Variants in TASOR observed in about 807,000 individuals in gnomAD.
TASOR encodes protein TASOR.
Under a neutral mutation model 178.6 loss-of-function variants are expected in TASOR, and 53 were observed. That is an observed-to-expected ratio of 0.30 (90% CI 0.24 to 0.37). The LOEUF (loss-of-function observed/expected upper bound fraction) is 0.37, where lower values mean the gene tolerates loss of function less well. Among genes scored for constraint, TASOR ranks in the 10% least tolerant of loss-of-function variants. TASOR has a pLI of 1.00. For synonymous variants in TASOR, 713 were observed against 696.2 expected (o/e 1.02, Z -0.38); for missense variants, 1,815 against 1,971.4 (o/e 0.92, Z 1.50).
rs1021889615 is a variant in TASOR, at chr3:56,683,065, G to A, written c.-59C>T. 36 of 1,434,586 alleles carry A rather than the reference G, an allele frequency of 2.5e-5. No individual in the cohort carries two copies. The highest frequency in any genetic ancestry group is 1.4e-4 in the Admixed American group (5 of 36,284). 88.9% of individuals were successfully genotyped at this position (1,434,586 alleles called of 1,614,324 possible). On this transcript the variant is annotated 5_prime_UTR_variant, in exon 1 of 24. Transcript: ENST00000683822. ...CCCACAAGGTCGACGGGTGTGGGGGGAAGGGGCGGCGGGCCAGTCTCGCCG... is the reference window on the plus strand; with the variant it reads ...CCCACAAGGTCGACGGGTGTGGGGGAAAGGGGCGGCGGGCCAGTCTCGCCG...
Position 56,649,070 on chromosome 3 carries a change from G to A in TASOR, c.1369-13C>T, listed in dbSNP as rs374530209. 25 of 1,588,116 alleles carry A rather than the reference G, an allele frequency of 1.6e-5. No individual in the cohort carries two copies. The highest frequency in any genetic ancestry group is 1.5e-4 in the African/African-American group (11 of 73,556). The stretch of plus-strand genomic sequence containing the variant: ...GTTTAACAAGAACCTGTATTTTGAG[G>A]GGAAGGAAGAAGTTGTATCTGCTTT... On this transcript the variant is annotated splice_polypyrimidine_tract_variant and intron_variant, in intron 11 of 23. Coordinates refer to ENST00000683822, the MANE Select transcript of TASOR (RefSeq NM_001365635.2).
chr3:56,663,395 G>A, intron 8 of TASOR, 146 bp downstream of exon 8: 1 of 368,312 alleles, frequency 2.7e-6, no homozygotes. Flanking sequence ...CTTATGCTTG[G>A]ACAACCAAAT....
chr3:56,636,404 G>T (rs192343968), intron 17 of TASOR, among the ~76,000 whole-genome samples: 108 of 146,992 alleles, frequency 7.3e-4, no homozygotes, highest in South Asian at 5.4e-3. Flanking sequence ...GGTGGTGGTG[G>T]TGTTGTTGTT....
chr3:56,669,884 A>C, intron 4 of TASOR, 93 bp from the exon 5 acceptor site: 1 of 1,008,878 alleles, frequency 9.9e-7, no homozygotes, highest in Non-Finnish European at 1.5e-6. Context: ...TCCTTCATCA[A>C]TTTGAGGTGT....
rs1420091548 is a variant in TASOR at position 56,623,210 on chromosome 3, G to A, written c.4840C>T (p.Leu1614Phe). 1 of 1,613,546 alleles carries A rather than the reference G, an allele frequency of 6.2e-7. No individual in the cohort carries two copies. The highest frequency in any genetic ancestry group is 8.5e-7 in the Non-Finnish European group (1 of 1,179,868). Residue 1614 changes from leucine (L) to phenylalanine (F), a missense_variant, in exon 24 of 24, where the codon CTC becomes TTC. By Grantham distance (22) the Leu-to-Phe change is conservative. Coordinates refer to ENST00000683822, the MANE Select transcript of TASOR (RefSeq NM_001365635.2). ...MSHQFSHFNV[L>F]THQTFLGTPY... Reference sequence around the variant, plus strand: ...GTCCCCAAAAATGTCTGATGAGTGAGAACATTAAAATGACTAAACTGATGG... The same window carrying A: ...GTCCCCAAAAATGTCTGATGAGTGAAAACATTAAAATGACTAAACTGATGG...
rs2030730930 is a variant in TASOR at position 56,671,487 on chromosome 3, C to T, written c.570+113G>A. 2.6e-5 allele frequency: 18 copies of T among 701,846 alleles called. No homozygotes were observed. The South Asian group carries it at 4.1e-4, about 16-fold the overall frequency. 43.5% of individuals were successfully genotyped at this position (701,846 alleles called of 1,614,324 possible). On this transcript the variant is annotated intron_variant, in intron 3 of 23. Transcript: ENST00000683822. ...TTGCCCCATTAAATCATGTATTCCA[C>T]TTATATATCAAAAAAGTCTGTAATT... is the stretch of plus-strand genomic sequence containing the variant.
At position 56,682,960 on chromosome 3, in the gene TASOR, C is replaced by G; in HGVS notation, c.47G>C (p.Ser16Thr). 1 of 1,549,562 alleles carries G rather than the reference C, an allele frequency of 6.5e-7. No individual in the cohort carries two copies. The highest frequency in any genetic ancestry group is 2.4e-5 in the East Asian group (1 of 40,874). ...GTCTCCGCCGCCGCCACTTTCCCAA[C>G]TCGCATCCGTCGGCTGACAGGCCTC... ...ETEACQPTDASWESGGGGDDE... is the reference protein window; with the variant it reads ...ETEACQPTDATWESGGGGDDE... Residue 16 changes from serine (S) to threonine (T), a missense_variant, in exon 1 of 24, where the codon AGT becomes ACT. Physicochemically the swap from Ser to Thr is moderately conservative, Grantham distance 58. Coordinates refer to ENST00000683822, the MANE Select transcript of TASOR (RefSeq NM_001365635.2).
rs1039099671 is a variant in TASOR at position 56,683,046 on chromosome 3, A to G, written c.-40T>C. ...GAGCTCTGGGAAGCTTCTGCCCACA[A>G]GGTCGACGGGTGTGGGGGGAAGGGG... On this transcript the variant is annotated 5_prime_UTR_variant, in exon 1 of 24. Coordinates refer to ENST00000683822, the MANE Select transcript of TASOR (RefSeq NM_001365635.2). 2.7e-6 allele frequency: 4 copies of G among 1,473,270 alleles called. No homozygotes were observed. Among genetic ancestry groups the G allele is most frequent in the African/African-American group, 2.8e-5 (2 of 70,686 alleles). The allele number at this position is 1,473,270 out of a possible 1,614,324, so 91.3% of individuals were successfully genotyped here.
intron 16 of TASOR, among the ~76,000 whole-genome samples, chr3:56,638,991 C>T (rs1036730357): frequency 2.0e-5 from 3 of 152,122 alleles, no homozygotes; most frequent in African/African-American, 7.2e-5. Flanking sequence ...TTAGGATAAC[C>T]TTCTTATATC....
rs767621225 is a variant in TASOR, at chr3:56,623,036, G to A, written c.*1C>T. On this transcript the variant is annotated 3_prime_UTR_variant, in exon 24 of 24. Transcript: ENST00000683822. ...ATCTCTTAAAAAAAAAGTTACTACA[G>A]TTATTTCTCTTGTGAATATGGCCTG... 8 of 1,523,956 alleles carry A rather than the reference G, an allele frequency of 5.2e-6. No homozygotes were observed. In the South Asian group the frequency reaches 9.5e-5, roughly 18 times the overall value. The allele number at this position is 1,523,956 out of a possible 1,614,324, so 94.4% of individuals were successfully genotyped here.
intron 1 of TASOR, among the ~76,000 whole-genome samples, chr3:56,676,191 G>C (rs2031280880): frequency 6.6e-6 from 1 of 152,190 alleles, no homozygotes; most frequent in Non-Finnish European, 1.5e-5. Context: ...CCACATCCCA[G>C]TAGCTAGACC....
chr3:56,676,090 A>G (rs1402822482), intron 1 of TASOR, among the ~76,000 whole-genome samples: 2 of 152,252 alleles, frequency 1.3e-5, no homozygotes, highest in Admixed American at 6.5e-5. Context: ...GTGTCCTATA[A>G]TCAAACTTGT....
At chr3:56,669,272 C>T (rs895052601) in intron 5 of TASOR, among the ~76,000 whole-genome samples, 2 of 151,936 alleles carry the variant, frequency 1.3e-5, no homozygotes, top group Non-Finnish European at 2.9e-5. Context: ...GGGAGGCTGA[C>T]GCGGGTGGAT....
rs1365555455 is a variant in TASOR, at chr3:56,633,222, G to T, written c.3569C>A (p.Thr1190Lys). The change falls in exon 18 of 24, where the codon ACA (threonine) becomes AAA (lysine). Residue 1190 changes from threonine (T) to lysine (K), a missense_variant. Coordinates refer to ENST00000683822, the MANE Select transcript of TASOR (RefSeq NM_001365635.2). ...GTTTACATCACTGGGGGATTTTGTT[G>T]TTTCTTCTACTGGTTCCCGGGCCAT... ...GDMAREPVEE[T>K]TKSPSDVNIS... 4 of 1,613,978 alleles carry T rather than the reference G, an allele frequency of 2.5e-6. No individual in the cohort carries two copies. In the African/African-American group the frequency reaches 5.3e-5, roughly 22 times the overall value.
chr3:56,640,115 T>A lies in TASOR; in HGVS notation c.2635A>T (p.Ser879Cys). 6.2e-7 allele frequency: 1 copy of A among 1,612,864 alleles called. No individual in the cohort carries two copies. The highest frequency in any genetic ancestry group is 8.5e-7 in the Non-Finnish European group (1 of 1,179,554). The change falls in exon 16 of 24, where the codon AGC (serine) becomes TGC (cysteine). Residue 879 changes from serine to cysteine, a missense_variant. Physicochemically the swap from Ser to Cys is moderately radical, Grantham distance 112. This residue lies in a region of TASOR where 655 missense variants were observed against 671.1 expected (regional missense o/e 0.98). Transcript: ENST00000683822. ...CTGCAATCTTCAAAATTATTCACGC[T>A]AATTAAATTTGGATCCTAAAAATCA... is the stretch of plus-strand genomic sequence containing the variant. ...LHLKEDPNLI[S>C]VNNFEDCSLC...
intron 11 of TASOR, among the ~76,000 whole-genome samples, chr3:56,649,473 C>G (rs1325867095): frequency 6.6e-6 from 1 of 152,198 alleles, no homozygotes; most frequent in Non-Finnish European, 1.5e-5. Context: ...TCAGACTAAT[C>G]ACAAACCCAA....
intron 14 of TASOR, among the ~76,000 whole-genome samples, chr3:56,645,887 G>A (rs1020517631): frequency 3.3e-5 from 5 of 152,174 alleles, no homozygotes; most frequent in African/African-American, 7.2e-5. Flanking sequence ...GGTGGCTCAC[G>A]CCTGTAATCC....
intron 18 of TASOR, among the ~76,000 whole-genome samples, chr3:56,632,049 G>C (rs947356088): frequency 3.3e-5 from 5 of 152,164 alleles, no homozygotes; most frequent in Non-Finnish European, 5.9e-5. Context: ...AGGGTATCAA[G>C]AAACACCAAA....
In TASOR at chr3:56,667,630, C is replaced by T. The variant is rs1028196749; in HGVS notation, c.897+767G>A. 2.6e-5 allele frequency among the ~76,000 whole-genome samples: 4 copies of T among 152,210 alleles called. No homozygotes were observed. In the East Asian group the frequency reaches 7.7e-4, roughly 29 times the overall value. ...CAAGATCACACCACCACACTCCAGA[C>T]TGGACAACAGAGCGAGACTCCGTCT... On this transcript the variant is annotated intron_variant, in intron 6 of 23. Coordinates refer to ENST00000683822, the MANE Select transcript of TASOR (RefSeq NM_001365635.2).
Sources: gnomAD v4.1 joint callset for allele counts (sites outside exome capture counted in the v4.1 genomes callset) on GRCh38, gnomAD v4.1.1 for gene constraint, gnomAD v4.1.1 regional missense constraint, MANE v1.5 for transcripts, NCBI Gene and HGNC (gene_info 2026-07-23, HGNC 2026-07-21) for gene names.